PIAS1: variants seen among roughly 807,000 people sequenced by gnomAD.
PIAS1 encodes the protein E3 SUMO-protein ligase PIAS1.
A neutral mutation model predicts 71.3 loss-of-function variants in PIAS1; 6 were observed. The observed-to-expected ratio is 0.08, with a 90% CI of 0.05 to 0.17. The LOEUF is 0.17. Ranked by LOEUF, PIAS1 falls within the 10% of genes least tolerant of loss-of-function variation. The pLI is 1.00. For missense variants in PIAS1, 555 were observed against 793.6 expected (o/e 0.70, Z 3.61); for synonymous variants, 303 against 292.9 (o/e 1.03, Z -0.35).
intron 1 of PIAS1, among the ~76,000 whole-genome samples, chr15:68,059,337 G>A (rs2091932494): frequency 6.6e-6 from 1 of 151,956 alleles, no homozygotes. Flanking sequence ...TTTGCAGTGT[G>A]TTTGCAGACA....
intron 2 of PIAS1, among the ~76,000 whole-genome samples, chr15:68,131,272 G>T (rs1034274811): frequency 2.0e-5 from 3 of 152,022 alleles, no homozygotes; most frequent in African/African-American, 4.8e-5. Context: ...AAAAATTATA[G>T]ATGTATATAT....
At chr15:68,176,892 A>G (rs2093023223) in intron 11 of PIAS1, among the ~76,000 whole-genome samples, 1 of 152,154 alleles carries the variant, frequency 6.6e-6, no homozygotes, top group Non-Finnish European at 1.5e-5. Context: ...GTGGTTCTCA[A>G]ACTGTGGTGT....
intron 2 of PIAS1, among the ~76,000 whole-genome samples, chr15:68,129,794 TACACACAC>T (rs67860159): frequency 0.025 from 3,643 of 144,742 alleles, 55 homozygotes; most frequent in Middle Eastern, 0.053. Context: ...TAATTGTATT[TACACACAC>T]ACACACACAC....
chr15:68,183,036 T>TG (rs1424465021), intron 12 of PIAS1, among the ~76,000 whole-genome samples: 4 of 152,216 alleles, frequency 2.6e-5, no homozygotes, highest in African/African-American at 9.6e-5. Context: ...GGGGCCTCCT[T>TG]GCAGTGAATC....
At chr15:68,159,461 A>G (rs539298658) in intron 7 of PIAS1, among the ~76,000 whole-genome samples, 60 of 152,220 alleles carry the variant, frequency 3.9e-4, no homozygotes, top group African/African-American at 1.3e-3. Context: ...TACCCCAGAA[A>G]GTTCATCTGT....
intron 2 of PIAS1, among the ~76,000 whole-genome samples, chr15:68,131,733 A>C (rs951727469): frequency 6.6e-6 from 1 of 152,298 alleles, no homozygotes; most frequent in East Asian, 1.9e-4. Context: ...ATTTAGGACC[A>C]CATTTTCTTT....
intron 6 of PIAS1, among the ~76,000 whole-genome samples, chr15:68,148,676 C>T (rs903369961): frequency 3.3e-5 from 5 of 152,190 alleles, no homozygotes; most frequent in Admixed American, 2.6e-4. Flanking sequence ...ATCCACCTGC[C>T]GTGGCCTCCC....
intron 8 of PIAS1, among the ~76,000 whole-genome samples, chr15:68,166,709 A>G (rs1292466289): frequency 6.6e-6 from 1 of 152,256 alleles, no homozygotes; most frequent in Non-Finnish European, 1.5e-5. Flanking sequence ...CGTATAAATA[A>G]GCACAGTAAT....
At chr15:68,136,696 A>G (rs1030761768) in intron 2 of PIAS1, among the ~76,000 whole-genome samples, 3 of 152,198 alleles carry the variant, frequency 2.0e-5, no homozygotes, top group Non-Finnish European at 4.4e-5. Context: ...AATTTATGCA[A>G]AGGAACAGCT....
At chr15:68,147,975 T>G (rs1291880476) in intron 6 of PIAS1, among the ~76,000 whole-genome samples, 5 of 152,168 alleles carry the variant, frequency 3.3e-5, no homozygotes, top group African/African-American at 1.2e-4. Context: ...TATTGAATGC[T>G]TACCATGTGT....
rs564691631 is a variant in PIAS1 at position 68,182,001 on chromosome 15, T to C, written c.1624+647T>C. The C allele has an allele frequency of 5.7e-4, 87 of 152,352 alleles. 1 individual carries two copies. Among genetic ancestry groups the C allele is most frequent in the African/African-American group, 2.0e-3 (82 of 41,582 alleles). The allele number at this position is 152,352 out of a possible 1,614,324, so 9.4% of individuals were successfully genotyped here. A position where few individuals can be genotyped will look rare whatever the true frequency, so the allele number is the denominator to read the frequency against. On this transcript the variant is annotated intron_variant, in intron 12 of 13. Transcript: ENST00000249636. ...AACATTATTTATTGTACCCTGACTTTAGTTGTAATGCAACAGGCATTGTGG... is the reference window on the plus strand; with the variant it reads ...AACATTATTTATTGTACCCTGACTTCAGTTGTAATGCAACAGGCATTGTGG...
At chr15:68,078,337 T>C (rs912030762) in intron 1 of PIAS1, among the ~76,000 whole-genome samples, 2 of 152,204 alleles carry the variant, frequency 1.3e-5, no homozygotes, top group Non-Finnish European at 2.9e-5. Flanking sequence ...TTACCTTACA[T>C]GTAGATAAAT....
chr15:68,141,849 T>TACCA, intron 2 of PIAS1, 97 bp from the exon 3 acceptor site: 1 of 713,110 alleles, frequency 1.4e-6, no homozygotes, highest in Non-Finnish European at 2.5e-6. Context: ...CTAGAATATA[T>TACCA]ACCAGTTAAT....
At chr15:68,123,505 C>CT (rs1208720341) in intron 2 of PIAS1, among the ~76,000 whole-genome samples, 2 of 152,022 alleles carry the variant, frequency 1.3e-5, no homozygotes, top group African/African-American at 2.4e-5. Context: ...TGTCATGTAT[C>CT]TATTTTAGAA....
chr15:68,098,185 A>G (rs2092392817), intron 2 of PIAS1, among the ~76,000 whole-genome samples: 1 of 152,132 alleles, frequency 6.6e-6, no homozygotes, highest in African/African-American at 2.4e-5. Context: ...CCAAAACTTT[A>G]CTATAACCTA....
At chr15:68,097,399 T>A (rs2092384898) in intron 2 of PIAS1, among the ~76,000 whole-genome samples, 1 of 152,128 alleles carries the variant, frequency 6.6e-6, no homozygotes, top group Non-Finnish European at 1.5e-5. Flanking sequence ...TTGAGTTTTT[T>A]AATTATAAAA....
At chr15:68,059,347 A>G (rs554522822) in intron 1 of PIAS1, among the ~76,000 whole-genome samples, 15 of 152,210 alleles carry the variant, frequency 9.9e-5, no homozygotes, top group African/African-American at 2.9e-4. Flanking sequence ...GTTTGCAGAC[A>G]TGTACCAAAG....
chr15:68,132,046 AAAAAG>A (rs1555429565), intron 2 of PIAS1, among the ~76,000 whole-genome samples: 15 of 150,932 alleles, frequency 9.9e-5, no homozygotes, highest in Admixed American at 2.6e-4. Flanking sequence ...AAAAAAAAAA[AAAAAG>A]AAAAGAAAAG....
At chr15:68,091,782 A>T (rs537265841) in intron 2 of PIAS1, among the ~76,000 whole-genome samples, 1 of 152,198 alleles carries the variant, frequency 6.6e-6, no homozygotes, top group African/African-American at 2.4e-5. Context: ...AACATCTAAC[A>T]CAAGTCCTGT....
Sources: allele counts gnomAD v4.1 joint callset (sites outside exome capture counted in the v4.1 genomes callset), GRCh38; gene constraint gnomAD v4.1.1; transcripts MANE v1.5; gene names NCBI Gene and HGNC (gene_info 2026-07-23, HGNC 2026-07-21).